The following ACP3 variants were observed in gnomAD, a reference collection of about 807,000 sequenced individuals.
The protein encoded by ACP3 is prostatic acid phosphatase.
ACP3 carries 38 observed loss-of-function variants against 45.6 expected under a neutral mutation model. That is an observed-to-expected ratio of 0.83 (90% CI 0.64 to 1.09). The LOEUF (loss-of-function observed/expected upper bound fraction) is 1.09. Among genes scored for constraint, ACP3 ranks in the 50% least tolerant of loss-of-function variants. The probability of loss-of-function intolerance (pLI) is 0.00; values close to 1 mark genes in which losing one functional copy is unlikely to be tolerated. For missense variants in ACP3, 466 were observed against 463.2 expected, an observed-to-expected ratio of 1.01 and a Z score of -0.05; for synonymous variants, 162 against 164.7, an observed-to-expected ratio of 0.98 and a Z score of 0.13.
chr3:132,350,015 A>T lies in ACP3; in HGVS notation c.864+13A>T. On this transcript the variant is annotated intron_variant, in intron 8 of 9. Transcript: ENST00000336375. ...CATGTATTCTGCGGTAAGTATTTTC[A>T]TCTTCATTTAACATATGTTTGTTCA... 2 of 1,544,956 alleles carry T rather than the reference A, an allele frequency of 1.3e-6. No individual in the cohort carries two copies. Among genetic ancestry groups the T allele is most frequent in the Non-Finnish European group, 1.8e-6 (2 of 1,117,176 alleles).
rs1255362295 is a variant in ACP3 at position 132,337,061 on chromosome 3, GGGGT to G, written c.457-393_457-390del. ...TCCTTTCTCCATACATACATGCGTT[GGGGT>G]GTGTGTGTGTGTGTGTGTGTGTGTG... is the stretch of plus-strand genomic sequence containing the variant. On this transcript the variant is annotated intron_variant, in intron 4 of 9. Coordinates refer to ENST00000336375, the MANE Select transcript of ACP3 (RefSeq NM_001099.5). 1.1e-3 allele frequency among the ~76,000 whole-genome samples: 157 copies of G among 137,530 alleles called. 1 individual carries two copies. Among genetic ancestry groups the G allele is most frequent in the African/African-American group, 4.3e-3 (149 of 34,710 alleles). 90.2% of individuals were successfully genotyped at this position (137,530 alleles called of 152,430 possible). A position where few individuals can be genotyped will look rare whatever the true frequency, so the allele number is the denominator to read the frequency against.
chr3:132,361,877 C>T (rs899510882), downstream of ACP3, among the ~76,000 whole-genome samples: 3 of 152,164 alleles, frequency 2.0e-5, no homozygotes, highest in African/African-American at 7.2e-5. Flanking sequence ...TCTCCGCAGT[C>T]TCCTCAGGAC....
chr3:132,346,353 G>A (rs915308883), intron 7 of ACP3, among the ~76,000 whole-genome samples: 5 of 152,150 alleles, frequency 3.3e-5, no homozygotes, highest in African/African-American at 4.8e-5. Flanking sequence ...AAGTAGGTTG[G>A]GGCAAAAAAT....
At chr3:132,352,644 A>T in intron 8 of ACP3, 76 bp from the exon 9 acceptor site, 1 of 953,602 alleles carries the variant, frequency 1.0e-6, no homozygotes, top group Non-Finnish European at 1.7e-6. Flanking sequence ...AGAAGCCATC[A>T]TGGTGCTGTA....
Position 132,352,702 on chromosome 3 carries a change from TG to T in ACP3, c.865-17del. The T allele has an allele frequency of 1.3e-6, 2 of 1,571,036 alleles. No individual in the cohort carries two copies. The highest frequency in any genetic ancestry group is 1.8e-6 in the Non-Finnish European group (2 of 1,141,174). ...TGTGAATCTGAACAGGCGATAAAAT[TG>T]ATTTCAATCTCTGTAGCATGACACT... On this transcript the variant is annotated splice_polypyrimidine_tract_variant and intron_variant, in intron 8 of 9. Transcript: ENST00000336375.
chr3:132,327,159 C>A (rs1265539849), intron 1 of ACP3, among the ~76,000 whole-genome samples: 3 of 152,314 alleles, frequency 2.0e-5, no homozygotes, highest in South Asian at 4.1e-4. Flanking sequence ...AAAAAATGAA[C>A]AAATCATTGG....
In ACP3 at chr3:132,349,939, C is replaced by T; in HGVS notation, c.801C>T (p.Ile267=). ...RLQGGVLVNE[I]LNHMKRATQI... The stretch of plus-strand genomic sequence containing the variant: ...TTTAAGGTGTCCTGGTCAATGAAAT[C>T]CTCAATCACATGAAGAGAGCAACTC... The change falls in exon 8 of 10, where the codon ATC becomes ATT. Residue 267 remains isoleucine (I), a synonymous_variant. Transcript: ENST00000336375. The T allele has an allele frequency of 1.2e-6, 2 of 1,612,436 alleles. No individual in the cohort carries two copies. Among genetic ancestry groups the T allele is most frequent in the Non-Finnish European group, 8.5e-7 (1 of 1,178,590 alleles).
intron 2 of ACP3, 28 bp downstream of exon 2, chr3:132,328,390 T>A: frequency 6.3e-7 from 1 of 1,587,140 alleles, no homozygotes; most frequent in Non-Finnish European, 8.6e-7. Flanking sequence ...CTAAAGATTG[T>A]TGATGAAGCT....
At chr3:132,360,283 G>C (rs1938015421), downstream of ACP3, among the ~76,000 whole-genome samples, 1 of 149,420 alleles carries the variant, frequency 6.7e-6, no homozygotes, top group Non-Finnish European at 1.5e-5. Context: ...TTTGACAAAA[G>C]GCTGTAACTG....
chr3:132,324,391 A>C (rs1216087207), intron 1 of ACP3, among the ~76,000 whole-genome samples: 1 of 152,176 alleles, frequency 6.6e-6, no homozygotes, highest in Non-Finnish European at 1.5e-5. Context: ...TCCTTTTAAA[A>C]ACAGTTACCT....
chr3:132,336,439 G>C (rs1017392683), intron 4 of ACP3, among the ~76,000 whole-genome samples: 5 of 152,134 alleles, frequency 3.3e-5, no homozygotes, highest in African/African-American at 4.8e-5. Flanking sequence ...GGTCTATTTT[G>C]AAATAGAAGG....
intron 1 of ACP3, among the ~76,000 whole-genome samples, chr3:132,320,597 T>G (rs1576405211): frequency 6.6e-6 from 1 of 152,166 alleles, no homozygotes; most frequent in Non-Finnish European, 1.5e-5. Context: ...TTCTCATTCT[T>G]CATGGTTGAC....
At chr3:132,350,673 G>C (rs1937708754) in intron 8 of ACP3, among the ~76,000 whole-genome samples, 1 of 152,146 alleles carries the variant, frequency 6.6e-6, no homozygotes, top group African/African-American at 2.4e-5. Flanking sequence ...AGATAGCCCT[G>C]ATATGGAGTG....
At chr3:132,355,987 G>C (rs1937885886) in intron 9 of ACP3, among the ~76,000 whole-genome samples, 1 of 152,118 alleles carries the variant, frequency 6.6e-6, no homozygotes. Flanking sequence ...ATTAGCAAAT[G>C]GCTTCCATAA....
chr3:132,334,546 C>A (rs368522948), intron 4 of ACP3, among the ~76,000 whole-genome samples: 12 of 152,266 alleles, frequency 7.9e-5, no homozygotes, highest in African/African-American at 2.4e-4. Flanking sequence ...ATGAGACTTA[C>A]GTGCAGTTAC....
At chr3:132,337,370 C>T (rs999951422) in intron 4 of ACP3, 86 bp from the exon 5 acceptor site, 2 of 825,360 alleles carry the variant, frequency 2.4e-6, no homozygotes, top group Non-Finnish European at 3.9e-6. Context: ...TGCTTTGAAC[C>T]TAATGAGGCT....
chr3:132,363,858 A>G (rs1035515569), intron 10 of ACP3, among the ~76,000 whole-genome samples: 4 of 151,988 alleles, frequency 2.6e-5, no homozygotes, highest in African/African-American at 9.7e-5. Flanking sequence ...AATTGCTTGA[A>G]CCCGGGAGGC....
At chr3:132,363,608 C>G (rs1938082622), downstream of ACP3, among the ~76,000 whole-genome samples, 1 of 152,182 alleles carries the variant, frequency 6.6e-6, no homozygotes, top group Non-Finnish European at 1.5e-5. Flanking sequence ...TGTATCTCCA[C>G]CATCCTATCT....
At chr3:132,354,654 A>G (rs1937836000) in intron 9 of ACP3, among the ~76,000 whole-genome samples, 1 of 152,226 alleles carries the variant, frequency 6.6e-6, no homozygotes, top group Non-Finnish European at 1.5e-5. Context: ...ACGGAGAGAG[A>G]CAGAAAGAGA....
Sources: allele counts gnomAD v4.1 joint callset (sites outside exome capture counted in the v4.1 genomes callset), GRCh38; gene constraint gnomAD v4.1.1; transcripts MANE v1.5; gene names NCBI Gene and HGNC (gene_info 2026-07-23, HGNC 2026-07-21).